PTPRK: variants seen among roughly 807,000 people sequenced by gnomAD.
PTPRK encodes protein tyrosine phosphatase receptor type K, also known as receptor-type tyrosine-protein phosphatase kappa.
In PTPRK, 75 loss-of-function variants were observed where a neutral mutation model predicts 178.0. The ratio of observed to expected loss-of-function variants is 0.42; its 90% CI spans 0.35 to 0.51. PTPRK has a LOEUF of 0.51. Among genes scored for constraint, PTPRK ranks in the 20% least tolerant of loss-of-function variants. The probability of loss-of-function intolerance (pLI) is 0.02; values close to 1 mark genes in which losing one functional copy is unlikely to be tolerated. For missense variants in PTPRK, 1,441 were observed against 1,797.8 expected, an observed-to-expected ratio of 0.80 and a Z score of 3.59; for synonymous variants, 637 against 620.6, an observed-to-expected ratio of 1.03 and a Z score of -0.39.
At chr6:128,269,537 T>A (rs1432331327) in intron 3 of PTPRK, among the ~76,000 whole-genome samples, 1 of 151,604 alleles carries the variant, frequency 6.6e-6, no homozygotes, top group Non-Finnish European at 1.5e-5. Context: ...AAAAAAGGTA[T>A]AATTAGAGAG....
chr6:128,204,604 G>A (rs1320964975), intron 6 of PTPRK, among the ~76,000 whole-genome samples: 1 of 151,282 alleles, frequency 6.6e-6, no homozygotes, highest in African/African-American at 2.4e-5. Flanking sequence ...AGTAGGCAAA[G>A]GACATGAACA....
chr6:128,236,506 G>A (rs990338560), intron 5 of PTPRK, among the ~76,000 whole-genome samples: 3 of 151,660 alleles, frequency 2.0e-5, no homozygotes, highest in Non-Finnish European at 2.9e-5. Flanking sequence ...GCACCACCAC[G>A]CCCGGCTAAT....
At chr6:127,985,896 A>C (rs748284005) in intron 21 of PTPRK, 21 bp from the exon 22 acceptor site, 21 of 1,588,626 alleles carry the variant, frequency 1.3e-5, no homozygotes, top group Non-Finnish European at 1.7e-5. Flanking sequence ...ATGGAAAGAA[A>C]TGTTTTCAAA....
intron 3 of PTPRK, among the ~76,000 whole-genome samples, chr6:128,289,136 A>G (rs1822975862): frequency 1.3e-5 from 2 of 152,240 alleles, no homozygotes; most frequent in Admixed American, 6.5e-5. Context: ...AAAGATATGG[A>G]AAGTCATCAT....
chr6:128,105,172 C>T (rs1165602197), intron 7 of PTPRK, among the ~76,000 whole-genome samples: 7 of 148,512 alleles, frequency 4.7e-5, no homozygotes, highest in African/African-American at 7.4e-5. Flanking sequence ...CTTGCTCTGT[C>T]GCCCAGGCTG....
chr6:128,215,798 C>G (rs1374604704), intron 6 of PTPRK, among the ~76,000 whole-genome samples: 1 of 152,008 alleles, frequency 6.6e-6, no homozygotes, highest in African/African-American at 2.4e-5. Flanking sequence ...TTATTAAAGA[C>G]TATTCATATC....
Position 128,233,243 on chromosome 6 carries a change from C to G in PTPRK, c.693+6792G>C, listed in dbSNP as rs1583604367. 3.3e-5 allele frequency among the ~76,000 whole-genome samples: 5 copies of G among 152,298 alleles called. No homozygotes were observed. The South Asian group carries it at 1.0e-3, about 32-fold the overall frequency. On this transcript the variant is annotated intron_variant, in intron 5 of 29. Transcript: ENST00000368226. ...AGCACTGTGAGCCGTAACTACTAGG[C>G]CTCTGAAATGGTGTAGTGCTATGTT...
intron 7 of PTPRK, among the ~76,000 whole-genome samples, chr6:128,158,474 G>A (rs1048683859): frequency 2.0e-5 from 3 of 151,862 alleles, no homozygotes; most frequent in South Asian, 4.1e-4. Flanking sequence ...TCTCTGTCTA[G>A]TTCCTACTGA....
intron 3 of PTPRK, among the ~76,000 whole-genome samples, chr6:128,257,148 TG>T (rs1473985687): frequency 2.0e-5 from 3 of 151,242 alleles, no homozygotes; most frequent in Non-Finnish European, 4.4e-5. Context: ...GAGAATTGCT[TG>T]AACATGGGAG....
chr6:128,500,084 A>C (rs1855314113), intron 1 of PTPRK, among the ~76,000 whole-genome samples: 1 of 152,222 alleles, frequency 6.6e-6, no homozygotes, highest in African/African-American at 2.4e-5. Context: ...TACTCAGGCA[A>C]GACATGTAAA....
intron 15 of PTPRK, chr6:127,999,826 T>C: frequency 2.6e-6 from 1 of 384,992 alleles, no homozygotes. Context: ...TAACAGTAAC[T>C]CAATAAATAT....
chr6:128,104,533 T>C (rs1041590325), intron 7 of PTPRK, among the ~76,000 whole-genome samples: 2 of 152,248 alleles, frequency 1.3e-5, no homozygotes, highest in Non-Finnish European at 2.9e-5. Context: ...ATATTCTGTC[T>C]TTCCATACTA....
intron 6 of PTPRK, among the ~76,000 whole-genome samples, chr6:128,196,082 A>C (rs1562770245): frequency 6.6e-6 from 1 of 152,142 alleles, no homozygotes; most frequent in East Asian, 1.9e-4. Flanking sequence ...TGGGAACCAG[A>C]GGACAGGTTA....
At chr6:128,021,905 T>C (rs575612834) in intron 13 of PTPRK, among the ~76,000 whole-genome samples, 1 of 152,356 alleles carries the variant, frequency 6.6e-6, no homozygotes, top group African/African-American at 2.4e-5. Context: ...CTTTTATATA[T>C]ATTCTAAGAA....
chr6:128,387,574 C>T (rs1459014313), intron 2 of PTPRK, among the ~76,000 whole-genome samples: 1 of 152,014 alleles, frequency 6.6e-6, no homozygotes, highest in African/African-American at 2.4e-5. Flanking sequence ...CTGCTGGTTC[C>T]CCTAATAATA....
chr6:128,227,387 C>T (rs145956503), intron 5 of PTPRK, among the ~76,000 whole-genome samples: 80 of 152,140 alleles, frequency 5.3e-4, no homozygotes, highest in African/African-American at 1.6e-3. Context: ...TCTTTCTGAA[C>T]CTGCCACATA....
intron 3 of PTPRK, among the ~76,000 whole-genome samples, chr6:128,275,964 A>G (rs565589903): frequency 6.6e-6 from 1 of 152,118 alleles, no homozygotes; most frequent in South Asian, 2.1e-4. Flanking sequence ...AATGGGGGTA[A>G]TATATAAACC....
At chr6:128,173,764 C>T (rs1800644836) in intron 7 of PTPRK, among the ~76,000 whole-genome samples, 1 of 151,944 alleles carries the variant, frequency 6.6e-6, no homozygotes, top group African/African-American at 2.4e-5. Context: ...ATTCTTATCT[C>T]CTCTGCTTCG....
At chr6:128,270,290 G>C (rs1278901774) in intron 3 of PTPRK, among the ~76,000 whole-genome samples, 1 of 151,982 alleles carries the variant, frequency 6.6e-6, no homozygotes, top group Non-Finnish European at 1.5e-5. Flanking sequence ...TCCTCTCCTA[G>C]GATTTTCCTA....
Sources: gnomAD v4.1 joint callset for allele counts (sites outside exome capture counted in the v4.1 genomes callset) on GRCh38, gnomAD v4.1.1 for gene constraint, MANE v1.5 for transcripts, NCBI Gene and HGNC (gene_info 2026-07-23, HGNC 2026-07-21) for gene names.